Variants in IPO8 observed in about 807,000 individuals in gnomAD.
IPO8 encodes importin-8.
IPO8 carries 65 observed loss-of-function variants against 141.2 expected under a neutral mutation model. The ratio of observed to expected loss-of-function variants is 0.46; its 90% confidence interval spans 0.38 to 0.57. The LOEUF (loss-of-function observed/expected upper bound fraction) is 0.57. Ranked by LOEUF, IPO8 falls within the 20% of genes least tolerant of loss-of-function variation. The probability of loss-of-function intolerance (pLI) is 0.00; values close to 1 mark genes in which losing one functional copy is unlikely to be tolerated. For missense variants in IPO8, 980 were observed against 1,246.8 expected (o/e 0.79, Z 3.22); for synonymous variants, 411 against 420.3 (o/e 0.98, Z 0.27).
intron 2 of IPO8, 59 bp from the exon 3 acceptor site, chr12:30,684,516 C>T (rs1217627437): frequency 3.9e-6 from 6 of 1,542,482 alleles, no homozygotes; most frequent in Non-Finnish European, 5.3e-6. Flanking sequence ...TTAATTCAGC[C>T]TTACAGAGCA....
intron 20 of IPO8, among the ~76,000 whole-genome samples, chr12:30,642,312 T>G (rs1591823730): frequency 6.6e-6 from 1 of 152,186 alleles, no homozygotes; most frequent in African/African-American, 2.4e-5. Flanking sequence ...GGGCAAGGGT[T>G]GAAAAATGAT....
At chr12:30,684,058 T>G (rs543004429) in intron 3 of IPO8, among the ~76,000 whole-genome samples, 72 of 152,332 alleles carry the variant, frequency 4.7e-4, no homozygotes, top group Non-Finnish European at 8.2e-4. Flanking sequence ...GTATCATTTT[T>G]TTTAAATCTT....
At chr12:30,672,798 A>T (rs190414991) in intron 8 of IPO8, among the ~76,000 whole-genome samples, 19 of 152,310 alleles carry the variant, frequency 1.2e-4, no homozygotes, top group Admixed American at 1.1e-3. Flanking sequence ...AACTTGTGAG[A>T]AATTCAACTA....
chr12:30,636,921 T>C lies in IPO8; in HGVS notation c.2695+61A>G, dbSNP rs558031017. ...ATGTCTCCATATAGACTAGTATTCA[T>C]ATAAAATGCATACACAAATCAAAAT... On this transcript the variant is annotated intron_variant, in intron 22 of 24. Coordinates refer to ENST00000256079, the MANE Select transcript of IPO8 (RefSeq NM_006390.4). The C allele has an allele frequency of 1.3e-5, 18 of 1,363,294 alleles. No homozygotes were observed. The South Asian group carries it at 1.9e-4, about 14-fold the overall frequency. The allele number at this position is 1,363,294 out of a possible 1,614,324, so 84.4% of individuals were successfully genotyped here.
At position 30,632,803 on chromosome 12, in the gene IPO8, G is replaced by A. The variant is rs576555705; in HGVS notation, c.2900-792C>T. On this transcript the variant is annotated intron_variant, in intron 23 of 24. Transcript: ENST00000256079. Reference sequence around the variant, plus strand: ...GAATTACCACATCTAAAAGGTCACCGCCTCAGAACACAACTTTCAACGCTA... The same window carrying A: ...GAATTACCACATCTAAAAGGTCACCACCTCAGAACACAACTTTCAACGCTA... Among the ~76,000 whole-genome samples, 6 of 152,216 alleles carry A rather than the reference G, an allele frequency of 3.9e-5. No homozygotes were observed. The South Asian group carries it at 1.0e-3, about 26-fold the overall frequency.
Position 30,631,962 on chromosome 12 carries a change from G to A in IPO8, c.2949C>T (p.Leu983=). ...GCAGTGCTGTCCTCTGATCCTCGCT[G>A]AGTGGTGCCATCAGCAGCTGGTACC... ...AAWYQLLMAP[L]SEDQRTALQE... The change falls in exon 24 of 25, where the codon CTC becomes CTT. Residue 983 remains leucine, a synonymous_variant. Transcript: ENST00000256079. The A allele has an allele frequency of 6.2e-7, 1 of 1,613,158 alleles. No individual in the cohort carries two copies. The highest frequency in any genetic ancestry group is 8.5e-7 in the Non-Finnish European group (1 of 1,179,946).
At chr12:30,677,214 T>A in intron 5 of IPO8, 1 of 584,684 alleles carries the variant, frequency 1.7e-6, no homozygotes, top group South Asian at 1.5e-5. Flanking sequence ...AACAAATGTT[T>A]CGGTCAGTGA....
intron 10 of IPO8, among the ~76,000 whole-genome samples, chr12:30,667,782 T>C (rs1465030656): frequency 6.6e-6 from 1 of 152,210 alleles, no homozygotes; most frequent in Non-Finnish European, 1.5e-5. Flanking sequence ...TGTATACCTA[T>C]CTTATCAGAT....
intron 12 of IPO8, 97 bp downstream of exon 12, chr12:30,665,632 G>A (rs2052952084): frequency 2.7e-6 from 2 of 736,634 alleles, no homozygotes; most frequent in African/African-American, 3.5e-5. Flanking sequence ...TTATCCAGAG[G>A]TAGTCACCAG....
chr12:30,664,045 T>C (rs2052925935), intron 13 of IPO8, among the ~76,000 whole-genome samples: 1 of 152,224 alleles, frequency 6.6e-6, no homozygotes. Context: ...ACTAACTGGT[T>C]TAGTAAGCTT....
At chr12:30,659,212 G>A (rs1041386869) in intron 16 of IPO8, among the ~76,000 whole-genome samples, 4 of 152,184 alleles carry the variant, frequency 2.6e-5, no homozygotes, top group African/African-American at 2.4e-5. Context: ...CAAGTCAGCC[G>A]GGCATAGTGG....
At chr12:30,660,389 G>A (rs1380440236) in intron 16 of IPO8, among the ~76,000 whole-genome samples, 1 of 152,204 alleles carries the variant, frequency 6.6e-6, no homozygotes, top group Non-Finnish European at 1.5e-5. Context: ...TTGGGAAGCA[G>A]CTGTAGGTTT....
chr12:30,685,243 G>A (rs1276948875), intron 2 of IPO8, among the ~76,000 whole-genome samples: 5 of 151,424 alleles, frequency 3.3e-5, no homozygotes, highest in African/African-American at 4.9e-5. Context: ...GGGTTCAAAC[G>A]ATTATCCTGC....
Position 30,631,000 on chromosome 12 carries a change from T to C in IPO8, c.3017-43A>G, listed in dbSNP as rs769029741. On this transcript the variant is annotated intron_variant, in intron 24 of 24. Coordinates refer to ENST00000256079, the MANE Select transcript of IPO8 (RefSeq NM_006390.4). ...AAAAGGGGAGAAGAAAAAAAAAGAA[T>C]GCTTAAGGTGACAAAGTTGGAGATG... The C allele has an allele frequency of 7.4e-6, 11 of 1,487,982 alleles. No homozygotes were observed. In the East Asian group the frequency reaches 2.3e-4, roughly 31 times the overall value. The allele number at this position is 1,487,982 out of a possible 1,614,324, so 92.2% of individuals were successfully genotyped here. A position where few individuals can be genotyped will look rare whatever the true frequency, so the allele number is the denominator to read the frequency against.
chr12:30,659,847 T>G (rs2052859239), intron 16 of IPO8, among the ~76,000 whole-genome samples: 2 of 132,856 alleles, frequency 1.5e-5, no homozygotes, highest in African/African-American at 2.9e-5. Context: ...TGAGTGAGAT[T>G]CTGTCTCAAA....
intron 3 of IPO8, among the ~76,000 whole-genome samples, chr12:30,682,655 T>C (rs1223983558): frequency 6.6e-6 from 1 of 152,052 alleles, no homozygotes; most frequent in African/African-American, 2.4e-5. Context: ...TATCACCAAA[T>C]ATGACCTTAC....
chr12:30,652,291 T>TG lies in IPO8; in HGVS notation c.2075-3dup. On this transcript the variant is annotated splice_region_variant and splice_polypyrimidine_tract_variant and intron_variant, in intron 18 of 24. Transcript: ENST00000256079. The stretch of plus-strand genomic sequence containing the variant: ...AATTATGCAGGAGAGGCATCATGTC[T>TG]GAAAAAAAATCAAAATCCCAATGAG... 6.4e-7 allele frequency: 1 copy of TG among 1,563,252 alleles called. No homozygotes were observed. Among genetic ancestry groups the TG allele is most frequent in the East Asian group, 2.3e-5 (1 of 44,428 alleles).
intron 20 of IPO8, among the ~76,000 whole-genome samples, chr12:30,644,325 T>C (rs2052612034): frequency 6.6e-6 from 1 of 150,824 alleles, no homozygotes; most frequent in African/African-American, 2.4e-5. Context: ...GAGATACGAC[T>C]GCACCATTGC....
At chr12:30,674,111 A>C (rs199879947) in intron 7 of IPO8, 37 bp from the exon 8 acceptor site, 12 of 1,281,250 alleles carry the variant, frequency 9.4e-6, no homozygotes, top group Non-Finnish European at 1.4e-5. Context: ...AATACCGTGA[A>C]TTTTACAAAC....
Sources: allele counts gnomAD v4.1 joint callset (sites outside exome capture counted in the v4.1 genomes callset), GRCh38; gene constraint gnomAD v4.1.1; transcripts MANE v1.5; gene names NCBI Gene and HGNC (gene_info 2026-07-23, HGNC 2026-07-21).